MYO1D: variants seen among roughly 807,000 people sequenced by gnomAD.
The protein encoded by MYO1D is myosin ID.
Under a neutral mutation model 122.0 loss-of-function variants are expected in MYO1D, and 83 were observed. That is an observed-to-expected ratio of 0.68 (90% CI 0.57 to 0.82). The LOEUF (loss-of-function observed/expected upper bound fraction) is 0.82, where lower values mean the gene tolerates loss of function less well. Ranked by LOEUF, MYO1D falls within the 40% of genes least tolerant of loss-of-function variation. The pLI is 0.00. For synonymous variants in MYO1D, 464 were observed against 446.9 expected, an observed-to-expected ratio of 1.04 and a Z score of -0.48; for missense variants, 1,157 against 1,269.5, an observed-to-expected ratio of 0.91 and a Z score of 1.35.
intron 4 of MYO1D, among the ~76,000 whole-genome samples, chr17:32,773,267 C>T (rs1172125412): frequency 6.6e-6 from 1 of 152,230 alleles, no homozygotes; most frequent in African/African-American, 2.4e-5. Context: ...TCAATCTCCC[C>T]CTTCCCTTAA....
intron 19 of MYO1D, among the ~76,000 whole-genome samples, chr17:32,643,069 T>C (rs2088227922): frequency 6.6e-6 from 1 of 152,216 alleles, no homozygotes; most frequent in Non-Finnish European, 1.5e-5. Context: ...TTGTCATAAA[T>C]AGTTCTTATT....
intron 21 of MYO1D, among the ~76,000 whole-genome samples, chr17:32,500,670 C>T (rs4287613): frequency 0.37 from 55,607 of 151,882 alleles, 11,518 homozygotes; most frequent in Non-Finnish European, 0.46. Flanking sequence ...GCCCAGCTGA[C>T]GCCATCTACA....
At chr17:32,633,426 A>G (rs2088050195) in intron 20 of MYO1D, among the ~76,000 whole-genome samples, 1 of 152,180 alleles carries the variant, frequency 6.6e-6, no homozygotes, top group South Asian at 2.1e-4. Flanking sequence ...CCTCTCTTTA[A>G]GTACACTGAA....
chr17:32,673,725 C>T (rs1009860895), intron 16 of MYO1D, among the ~76,000 whole-genome samples: 17 of 152,198 alleles, frequency 1.1e-4, no homozygotes, highest in Admixed American at 4.6e-4. Context: ...TATAGCAAAA[C>T]TGGATAATTG....
chr17:32,666,872 A>G (rs1470649030), intron 16 of MYO1D, among the ~76,000 whole-genome samples: 1 of 152,222 alleles, frequency 6.6e-6, no homozygotes, highest in African/African-American at 2.4e-5. Context: ...CTAGCTTCTC[A>G]GGTCCTCCAT....
At chr17:32,808,824 C>G (rs978035019) in intron 1 of MYO1D, among the ~76,000 whole-genome samples, 3 of 152,176 alleles carry the variant, frequency 2.0e-5, no homozygotes, top group African/African-American at 7.2e-5. Flanking sequence ...TAATATTGGA[C>G]TTCCTGGCCT....
Position 32,712,565 on chromosome 17 carries a change from A to G in MYO1D, c.1914-370T>C, listed in dbSNP as rs141053723. On this transcript the variant is annotated intron_variant, in intron 15 of 21. Coordinates refer to ENST00000318217, the MANE Select transcript of MYO1D (RefSeq NM_015194.3). ...ATTGCTCTGGAGGTCTAGTCGACAT[A>G]GTGAGACCAAGACATAATTGGTAAA... Among the ~76,000 whole-genome samples the G allele has an allele frequency of 3.6e-3, 551 of 152,300 alleles. 3 individuals carry two copies. Among genetic ancestry groups the G allele is most frequent in the African/African-American group, 0.012 (515 of 41,548 alleles).
intron 1 of MYO1D, among the ~76,000 whole-genome samples, chr17:32,784,166 A>C (rs1045031429): frequency 1.3e-5 from 2 of 152,152 alleles, no homozygotes; most frequent in African/African-American, 4.8e-5. Flanking sequence ...ACTTCCATCT[A>C]CCAACAACAC....
intron 7 of MYO1D, among the ~76,000 whole-genome samples, chr17:32,765,900 T>C (rs1234219668): frequency 1.3e-5 from 2 of 151,964 alleles, no homozygotes; most frequent in East Asian, 1.9e-4. Context: ...AAATGTCACC[T>C]TTTTTTTGAG....
At chr17:32,710,728 TA>T (rs2150985800) in intron 16 of MYO1D, among the ~76,000 whole-genome samples, 1 of 152,332 alleles carries the variant, frequency 6.6e-6, no homozygotes, top group East Asian at 1.9e-4. Flanking sequence ...GCATTTCTGC[TA>T]ATCAACAAGA....
chr17:32,826,277 T>C lies in MYO1D; in HGVS notation c.96-45493A>G, dbSNP rs558973163. 8.1e-5 allele frequency among the ~76,000 whole-genome samples: 8 copies of C among 98,428 alleles called. No individual in the cohort carries two copies. The South Asian group carries it at 3.6e-3, about 44-fold the overall frequency. 64.6% of individuals were successfully genotyped at this position (98,428 alleles called of 152,430 possible). A position where few individuals can be genotyped will look rare whatever the true frequency, so the allele number is the denominator to read the frequency against. ...TACAAGTCTAATAAAGACTTGCCTG[T>C]TCACCTACCTGCAATCAACACCTCC... On this transcript the variant is annotated intron_variant, in intron 1 of 21. Transcript: ENST00000318217.
At chr17:32,537,104 A>G (rs981724756) in intron 21 of MYO1D, among the ~76,000 whole-genome samples, 6 of 152,228 alleles carry the variant, frequency 3.9e-5, no homozygotes, top group African/African-American at 1.4e-4. Context: ...AAGATGACCT[A>G]TATTAATGAC....
intron 21 of MYO1D, among the ~76,000 whole-genome samples, chr17:32,517,011 G>A (rs1030761125): frequency 6.6e-6 from 1 of 151,664 alleles, no homozygotes; most frequent in Non-Finnish European, 1.5e-5. Context: ...TCCATTGGAA[G>A]GTGAACAATT....
chr17:32,658,309 G>A lies in MYO1D; in HGVS notation c.2345+806C>T, dbSNP rs549066177. ...TCTTGTACATTCAGCATATCAATTA[G>A]TTCAAAGTGTTCTTTATGGAGTATC... is the stretch of plus-strand genomic sequence containing the variant. On this transcript the variant is annotated intron_variant, in intron 17 of 21. Transcript: ENST00000318217. Among the ~76,000 whole-genome samples the A allele has an allele frequency of 3.3e-4, 50 of 152,238 alleles. 3 individuals carry two copies. The highest frequency in any genetic ancestry group is 1.2e-3 in the African/African-American group (50 of 41,554).
intron 21 of MYO1D, among the ~76,000 whole-genome samples, chr17:32,585,301 T>C (rs2087376688): frequency 6.6e-6 from 1 of 152,364 alleles, no homozygotes; most frequent in African/African-American, 2.4e-5. Flanking sequence ...GGTATCTTTC[T>C]TCCTAAGACC....
intron 1 of MYO1D, 60 bp from the exon 2 acceptor site, chr17:32,780,844 G>A: frequency 6.7e-7 from 1 of 1,483,064 alleles, no homozygotes; most frequent in Non-Finnish European, 9.3e-7. Context: ...TGATGTATCT[G>A]TCCTGTGAGT....
chr17:32,688,501 T>C (rs2089050504), intron 16 of MYO1D, among the ~76,000 whole-genome samples: 1 of 152,222 alleles, frequency 6.6e-6, no homozygotes, highest in Non-Finnish European at 1.5e-5. Context: ...ATGACTTTAT[T>C]TACAGCGGTC....
intron 21 of MYO1D, among the ~76,000 whole-genome samples, chr17:32,566,735 T>C (rs976187957): frequency 1.3e-5 from 2 of 150,826 alleles, no homozygotes; most frequent in East Asian, 2.0e-4. Context: ...CAGGGAGTGC[T>C]AGAACTTAAT....
At chr17:32,694,360 C>T (rs1158063647) in intron 16 of MYO1D, among the ~76,000 whole-genome samples, 2 of 152,110 alleles carry the variant, frequency 1.3e-5, no homozygotes, top group Non-Finnish European at 2.9e-5. Context: ...TAGGTGGGCA[C>T]TTTTCAGCCA....
Sources: allele counts gnomAD v4.1 joint callset (sites outside exome capture counted in the v4.1 genomes callset), GRCh38; gene constraint gnomAD v4.1.1; transcripts MANE v1.5; gene names NCBI Gene and HGNC (gene_info 2026-07-23, HGNC 2026-07-21).